The following TRPC1 variants were observed in gnomAD, a reference collection of about 807,000 sequenced individuals.
TRPC1 encodes the protein short transient receptor potential channel 1.
A neutral mutation model predicts 88.2 loss-of-function variants in TRPC1; 42 were observed. That is an observed-to-expected ratio of 0.48 (90% CI 0.37 to 0.62). TRPC1 has a LOEUF of 0.62. Ranked by LOEUF, TRPC1 falls within the 20% of genes least tolerant of loss-of-function variation. The pLI is 0.00. For missense variants in TRPC1, 699 were observed against 957.3 expected (o/e 0.73, Z 3.56); for synonymous variants, 288 against 331.8 (o/e 0.87, Z 1.43).
intron 9 of TRPC1, among the ~76,000 whole-genome samples, chr3:142,796,113 C>T (rs1936440787): frequency 6.6e-6 from 1 of 152,010 alleles, no homozygotes; most frequent in South Asian, 2.1e-4. Flanking sequence ...CTTTTATTTC[C>T]ATTTTACAGA....
chr3:142,739,509 C>T (rs1934264224), intron 2 of TRPC1, among the ~76,000 whole-genome samples: 1 of 152,128 alleles, frequency 6.6e-6, no homozygotes, highest in African/African-American at 2.4e-5. Context: ...ATTTTTGAGA[C>T]ACTGAATTGA....
chr3:142,766,457 G>A (rs556627002), intron 4 of TRPC1, among the ~76,000 whole-genome samples: 2 of 149,622 alleles, frequency 1.3e-5, no homozygotes, highest in South Asian at 4.3e-4. Flanking sequence ...CTGGAGTGTA[G>A]TGTTGCGATC....
At position 142,806,230 on chromosome 3, in the gene TRPC1, A is replaced by AAT. The variant is rs761973407; in HGVS notation, c.2378_2379dup (p.Ter794IlefsTer14). On this transcript the variant is annotated frameshift_variant, in exon 13 of 13. Coordinates refer to ENST00000476941, the MANE Select transcript of TRPC1 (RefSeq NM_001251845.2). LOFTEE classifies it high-confidence loss of function. ...TAAATATGCTATGTTTTATCCAAGAAATTAACCATTTTCTAAATCATGGAG... is the reference window on the plus strand; with the variant it reads ...TAAATATGCTATGTTTTATCCAAGAAATATTAACCATTTTCTAAATCATGGAG... 5.6e-6 allele frequency: 9 copies of AAT among 1,598,092 alleles called. No individual in the cohort carries two copies. The African/African-American group carries it at 1.2e-4, about 21-fold the overall frequency.
intron 9 of TRPC1, among the ~76,000 whole-genome samples, chr3:142,799,215 ACT>A (rs2108157328): frequency 6.6e-6 from 1 of 152,138 alleles, no homozygotes; most frequent in African/African-American, 2.4e-5. Flanking sequence ...ACTAGTATTA[ACT>A]CTATGTAAAT....
intron 7 of TRPC1, 93 bp downstream of exon 7, chr3:142,785,133 C>T (rs544578638): frequency 1.9e-6 from 2 of 1,072,916 alleles, no homozygotes; most frequent in African/African-American, 3.2e-5. Flanking sequence ...GTTCAATTTG[C>T]AATTTTACAC....
chr3:142,772,440 T>C (rs1184549267), intron 4 of TRPC1, among the ~76,000 whole-genome samples: 1 of 152,176 alleles, frequency 6.6e-6, no homozygotes, highest in East Asian at 1.9e-4. Flanking sequence ...TCACAGCTAC[T>C]GTTGAGCCCT....
chr3:142,765,937 A>G (rs1021914601), intron 4 of TRPC1, among the ~76,000 whole-genome samples: 1 of 152,166 alleles, frequency 6.6e-6, no homozygotes, highest in African/African-American at 2.4e-5. Context: ...GCCAACAAGC[A>G]TATGAAAAAA....
chr3:142,775,565 G>T (rs929443001), intron 4 of TRPC1, among the ~76,000 whole-genome samples: 4 of 152,136 alleles, frequency 2.6e-5, no homozygotes, highest in Non-Finnish European at 4.4e-5. Context: ...GCTGCAGTGA[G>T]CAAAAGTTGC....
chr3:142,804,613 C>T lies in TRPC1; in HGVS notation c.2137C>T (p.Arg713Trp), dbSNP rs375230438. 6.9e-6 allele frequency: 11 copies of T among 1,602,680 alleles called. No homozygotes were observed. The highest frequency in any genetic ancestry group is 1.7e-4 in the Middle Eastern group (1 of 6,030). The change falls in exon 12 of 13, where the codon CGG (arginine) becomes TGG (tryptophan). Residue 713 changes from arginine (R) to tryptophan (W), a missense_variant. Physicochemically the swap from Arg to Trp is moderately radical, Grantham distance 101. This residue lies in a region of TRPC1 where 105 missense variants were observed against 141.7 expected (regional missense o/e 0.74). Coordinates refer to ENST00000476941, the MANE Select transcript of TRPC1 (RefSeq NM_001251845.2). ...TCATACATCAAAAGGCAAGGTCAAA[C>T]GGCAAAACAGTTTAAAGGTAAGAAA... ...CSHTSKGKVK[R>W]QNSLKEWRNL...
In TRPC1 at chr3:142,792,423, A is replaced by G. The variant is rs1171757357; in HGVS notation, c.1438-401A>G. On this transcript the variant is annotated intron_variant, in intron 8 of 12. Coordinates refer to ENST00000476941, the MANE Select transcript of TRPC1 (RefSeq NM_001251845.2). The surrounding 1 kb of genome is among the most constrained non-coding windows in gnomAD (Gnocchi z 4.0). ...TTTTGTATTTAAAAGGGGGGAAAAA[A>G]ACTCTGAATTCCAAGTCAAAGCAGT... Among the ~76,000 whole-genome samples, 2 of 151,982 alleles carry G rather than the reference A, an allele frequency of 1.3e-5. No homozygotes were observed. Among genetic ancestry groups the G allele is most frequent in the Non-Finnish European group, 2.9e-5 (2 of 67,932 alleles).
intron 4 of TRPC1, among the ~76,000 whole-genome samples, chr3:142,753,593 C>G (rs774612742): frequency 3.4e-4 from 52 of 151,776 alleles, no homozygotes; most frequent in Non-Finnish European, 6.0e-4. Flanking sequence ...GGTGAAACCT[C>G]GTCTCTACTA....
chr3:142,760,045 C>G (rs1394793477), intron 4 of TRPC1, among the ~76,000 whole-genome samples: 1 of 151,968 alleles, frequency 6.6e-6, no homozygotes, highest in Non-Finnish European at 1.5e-5. Flanking sequence ...CCAGGATGGT[C>G]TCGATCTCCT....
At chr3:142,757,292 A>T (rs1267448049) in intron 4 of TRPC1, among the ~76,000 whole-genome samples, 1 of 151,248 alleles carries the variant, frequency 6.6e-6, no homozygotes, top group African/African-American at 2.4e-5. Context: ...CTTTTTTTTA[A>T]AAAAAAATTA....
intron 9 of TRPC1, among the ~76,000 whole-genome samples, chr3:142,801,857 T>G (rs73864442): frequency 0.022 from 3,401 of 152,268 alleles, 129 homozygotes; most frequent in African/African-American, 0.077. Context: ...TTTTATCCCT[T>G]GCAAATTAGG....
intron 10 of TRPC1, 54 bp from the exon 11 acceptor site, chr3:142,803,922 AT>A: frequency 6.5e-7 from 1 of 1,531,198 alleles, no homozygotes; most frequent in Non-Finnish European, 9.0e-7. Flanking sequence ...CAAATGATTC[AT>A]TTTTGCTAAT....
chr3:142,782,126 A>C (rs1935977973), intron 6 of TRPC1, among the ~76,000 whole-genome samples: 1 of 152,204 alleles, frequency 6.6e-6, no homozygotes, highest in Admixed American at 6.5e-5. Context: ...GATTTAAAAA[A>C]AGAACCTCAA....
Position 142,787,080 on chromosome 3 carries a change from C to T in TRPC1, c.1297+2040C>T, listed in dbSNP as rs117125482. Among the ~76,000 whole-genome samples the T allele has an allele frequency of 1.1e-3, 161 of 152,264 alleles. 1 individual carries two copies. In the East Asian group the frequency reaches 0.024, roughly 23 times the overall value. ...TACACGTATATATACATGGGTACCC[C>T]CTTACACACATAATATGATTAATTT... is the stretch of plus-strand genomic sequence containing the variant. On this transcript the variant is annotated intron_variant, in intron 7 of 12. Coordinates refer to ENST00000476941, the MANE Select transcript of TRPC1 (RefSeq NM_001251845.2).
At chr3:142,804,364 G>A (rs942616606) in intron 11 of TRPC1, 72 bp from the exon 12 acceptor site, 18 of 1,377,900 alleles carry the variant, frequency 1.3e-5, no homozygotes, top group Non-Finnish European at 1.7e-5. Context: ...TTTCTGCAAG[G>A]TGTGGAAACA....
At chr3:142,797,484 T>C (rs1936489350) in intron 9 of TRPC1, among the ~76,000 whole-genome samples, 1 of 152,152 alleles carries the variant, frequency 6.6e-6, no homozygotes. Flanking sequence ...TGAGGGTCTA[T>C]GCATGCATTC....
Sources: gnomAD v4.1 joint callset for allele counts (sites outside exome capture counted in the v4.1 genomes callset) on GRCh38, gnomAD v4.1.1 for gene constraint, gnomAD v4.1.1 regional missense constraint, Gnocchi (gnomAD v3.1) non-coding constraint, MANE v1.5 for transcripts, NCBI Gene and HGNC (gene_info 2026-07-23, HGNC 2026-07-21) for gene names.